Variants in RPS6KC1 observed in about 807,000 individuals in gnomAD.
The protein encoded by RPS6KC1 is inactive ribosomal protein S6 kinase delta-1.
A neutral mutation model predicts 103.8 loss-of-function variants in RPS6KC1; 54 were observed. The observed-to-expected ratio is 0.52, with a 90% CI of 0.42 to 0.65. The LOEUF (loss-of-function observed/expected upper bound fraction) is 0.65, where lower values mean the gene tolerates loss of function less well. Among genes scored for constraint, RPS6KC1 ranks in the 30% least tolerant of loss-of-function variants. The probability of loss-of-function intolerance (pLI) is 0.00; values close to 1 mark genes in which losing one functional copy is unlikely to be tolerated. For synonymous variants in RPS6KC1, 439 were observed against 438.7 expected (o/e 1.00, Z -0.01); for missense variants, 1,151 against 1,253.8 (o/e 0.92, Z 1.24).
At chr1:213,426,776 T>C in the RPS6KC1 span, among the ~76,000 whole-genome samples, 1 of 152,324 alleles carries the variant, frequency 6.6e-6, no homozygotes, top group Admixed American at 6.5e-5. Context: ...AGTCAACATT[T>C]AATTGTGATA....
At chr1:213,292,826 T>C in the RPS6KC1 span, among the ~76,000 whole-genome samples, 1 of 152,170 alleles carries the variant, frequency 6.6e-6, no homozygotes, top group Non-Finnish European at 1.5e-5. Flanking sequence ...TGGTGTAGAC[T>C]TGAATAACAC....
intron 6 of RPS6KC1, among the ~76,000 whole-genome samples, chr1:213,138,623 C>G (rs1468403302): frequency 6.6e-6 from 1 of 152,146 alleles, no homozygotes; most frequent in Admixed American, 6.6e-5. Context: ...GTTTTCTGCT[C>G]CTATATTAAT....
chr1:213,154,608 GTT>G (rs2089655927), intron 6 of RPS6KC1, among the ~76,000 whole-genome samples: 1 of 152,204 alleles, frequency 6.6e-6, no homozygotes, highest in Admixed American at 6.5e-5. Flanking sequence ...AACTCAGCTT[GTT>G]GTAAATGCTG....
chr1:213,655,954 T>C, the RPS6KC1 span, among the ~76,000 whole-genome samples: 3 of 152,198 alleles, frequency 2.0e-5, no homozygotes, highest in Non-Finnish European at 4.4e-5. Context: ...GAAATTGATT[T>C]GTCAGAATTC....
At chr1:213,100,300 TG>T (rs1467581348) in intron 3 of RPS6KC1, among the ~76,000 whole-genome samples, 1 of 152,190 alleles carries the variant, frequency 6.6e-6, no homozygotes, top group Non-Finnish European at 1.5e-5. Context: ...GTCTATTTTG[TG>T]GGGCTGGAGT....
the RPS6KC1 span, among the ~76,000 whole-genome samples, chr1:213,450,262 C>T: frequency 6.6e-6 from 1 of 151,916 alleles, no homozygotes; most frequent in African/African-American, 2.4e-5. Flanking sequence ...GTAAGTGATC[C>T]CTGGCTTGCG....
At chr1:213,691,515 C>T in the RPS6KC1 span, among the ~76,000 whole-genome samples, 26 of 152,214 alleles carry the variant, frequency 1.7e-4, no homozygotes, top group African/African-American at 5.8e-4. Flanking sequence ...ATTTTAGAAA[C>T]TTCTGCTGCT....
chr1:213,518,949 G>A, the RPS6KC1 span, among the ~76,000 whole-genome samples: 2 of 152,146 alleles, frequency 1.3e-5, no homozygotes, highest in Non-Finnish European at 2.9e-5. Context: ...GGGAGAAGAA[G>A]GGAAGGGATA....
chr1:213,323,890 G>T, the RPS6KC1 span, among the ~76,000 whole-genome samples: 2 of 151,960 alleles, frequency 1.3e-5, no homozygotes, highest in Non-Finnish European at 2.9e-5. Context: ...CATCATTAGG[G>T]TTCACTCTTG....
the RPS6KC1 span, among the ~76,000 whole-genome samples, chr1:213,796,519 A>C: frequency 6.6e-6 from 1 of 152,180 alleles, no homozygotes; most frequent in Non-Finnish European, 1.5e-5. Context: ...GCCCCAAGAG[A>C]AAAAGGGATA....
the RPS6KC1 span, among the ~76,000 whole-genome samples, chr1:213,740,426 A>G: frequency 2.0e-5 from 3 of 152,138 alleles, no homozygotes; most frequent in African/African-American, 7.2e-5. Context: ...GATTAAATAA[A>G]TAATTAAAAT....
chr1:213,183,159 A>T (rs2092365542), intron 8 of RPS6KC1, among the ~76,000 whole-genome samples: 1 of 152,152 alleles, frequency 6.6e-6, no homozygotes, highest in Admixed American at 6.6e-5. Context: ...AGACATCAGA[A>T]CTGTAAAATA....
At chr1:213,766,001 C>T in the RPS6KC1 span, among the ~76,000 whole-genome samples, 1 of 152,182 alleles carries the variant, frequency 6.6e-6, no homozygotes. Context: ...TAGGAATTCT[C>T]AGCCTAAGTG....
At chr1:213,326,297 A>C in the RPS6KC1 span, among the ~76,000 whole-genome samples, 1 of 152,262 alleles carries the variant, frequency 6.6e-6, no homozygotes, top group African/African-American at 2.4e-5. Context: ...TTACATGTTG[A>C]ATCAATAAAC....
the RPS6KC1 span, among the ~76,000 whole-genome samples, chr1:213,631,017 G>T: frequency 0.14 from 21,822 of 152,090 alleles, 2,480 homozygotes; most frequent in African/African-American, 0.32. Flanking sequence ...AGCCAGGTGT[G>T]GGATATAATC....
At chr1:213,114,531 C>A (rs1372012105) in intron 4 of RPS6KC1, among the ~76,000 whole-genome samples, 7 of 151,860 alleles carry the variant, frequency 4.6e-5, no homozygotes, top group Admixed American at 3.9e-4. Context: ...CTCTTTTCCT[C>A]ATTGAATACC....
intron 4 of RPS6KC1, among the ~76,000 whole-genome samples, chr1:213,105,079 T>A (rs1415529543): frequency 6.6e-6 from 1 of 152,266 alleles, no homozygotes; most frequent in Non-Finnish European, 1.5e-5. Context: ...AATTTGTTAT[T>A]ATGTTGACTT....
chr1:213,215,486 T>G (rs1309353168), intron 8 of RPS6KC1, among the ~76,000 whole-genome samples: 1 of 152,168 alleles, frequency 6.6e-6, no homozygotes, highest in Non-Finnish European at 1.5e-5. Flanking sequence ...TTCCCCAATC[T>G]AGCAAGGCAG....
chr1:213,267,734 A>G (rs543007124), intron 14 of RPS6KC1, among the ~76,000 whole-genome samples: 1 of 152,134 alleles, frequency 6.6e-6, no homozygotes, highest in Admixed American at 6.5e-5. Flanking sequence ...ATTTTTAAAA[A>G]ACAGAACTAA....
Sources: allele counts gnomAD v4.1 joint callset (sites outside exome capture counted in the v4.1 genomes callset), GRCh38; gene constraint gnomAD v4.1.1; transcripts MANE v1.5; gene names NCBI Gene and HGNC (gene_info 2026-07-23, HGNC 2026-07-21).